The following PPP1CB variants were observed in gnomAD, a reference collection of about 807,000 sequenced individuals.
PPP1CB encodes the protein serine/threonine-protein phosphatase PP1-beta catalytic subunit.
A neutral mutation model predicts 43.7 loss-of-function variants in PPP1CB; 2 were observed. The ratio of observed to expected loss-of-function variants is 0.05; its 90% CI spans 0.02 to 0.14. The LOEUF is 0.14. Among genes scored for constraint, PPP1CB ranks in the 10% least tolerant of loss-of-function variants. The pLI is 1.00. For synonymous variants in PPP1CB, 136 were observed against 135.6 expected (o/e 1.00, Z -0.02); for missense variants, 84 against 398.0 (o/e 0.21, Z 6.71).
At chr2:28,770,668 C>T (rs1666887809) in intron 1 of PPP1CB, among the ~76,000 whole-genome samples, 3 of 152,016 alleles carry the variant, frequency 2.0e-5, no homozygotes, top group Admixed American at 6.5e-5. Context: ...CTTTCAGTAA[C>T]TAGTAGAACA....
chr2:28,775,448 C>T (rs1452117734), intron 1 of PPP1CB, among the ~76,000 whole-genome samples: 1 of 152,086 alleles, frequency 6.6e-6, no homozygotes, highest in African/African-American at 2.4e-5. Flanking sequence ...TGCTCTGTCA[C>T]CAAGACTGAA....
At chr2:28,776,125 T>A (rs1186463465) in intron 1 of PPP1CB, among the ~76,000 whole-genome samples, 2 of 151,936 alleles carry the variant, frequency 1.3e-5, no homozygotes, top group African/African-American at 4.8e-5. Context: ...TCTCCCTTTC[T>A]TCATAGCACA....
intron 1 of PPP1CB, among the ~76,000 whole-genome samples, chr2:28,775,066 C>T (rs1187616619): frequency 6.6e-6 from 1 of 151,404 alleles, no homozygotes; most frequent in African/African-American, 2.4e-5. Flanking sequence ...CTCTTATTGA[C>T]CTGACAAAGG....
At chr2:28,762,739 G>A (rs1004976350) in intron 1 of PPP1CB, among the ~76,000 whole-genome samples, 1 of 152,082 alleles carries the variant, frequency 6.6e-6, no homozygotes. Flanking sequence ...TATAATACGC[G>A]TTGTTCATTT....
At chr2:28,755,786 G>A (rs1666476439) in intron 1 of PPP1CB, among the ~76,000 whole-genome samples, 1 of 152,216 alleles carries the variant, frequency 6.6e-6, no homozygotes, top group South Asian at 2.1e-4. Flanking sequence ...GCTGCTGGGT[G>A]AATAAGAGTG....
chr2:28,752,673 G>C lies in PPP1CB; in HGVS notation c.52+497G>C, dbSNP rs151065684. On this transcript the variant is annotated intron_variant, in intron 1 of 7. Transcript: ENST00000395366. ...ATATATATAAACCTGTCCTTAACAG[G>C]ACTGCTTCGTCTGCTCTGCATTTTT... Among the ~76,000 whole-genome samples, 205 of 152,300 alleles carry C rather than the reference G, an allele frequency of 1.3e-3. 1 individual carries two copies. The highest frequency in any genetic ancestry group is 2.4e-3 in the Non-Finnish European group (161 of 68,032).
At chr2:28,755,347 G>C (rs978226143) in intron 1 of PPP1CB, among the ~76,000 whole-genome samples, 1 of 152,110 alleles carries the variant, frequency 6.6e-6, no homozygotes, top group African/African-American at 2.4e-5. Flanking sequence ...ACCTTGATAT[G>C]ATATTTTCAA....
chr2:28,759,492 C>G (rs529245579), intron 1 of PPP1CB, among the ~76,000 whole-genome samples: 27 of 133,878 alleles, frequency 2.0e-4, no homozygotes, highest in African/African-American at 7.7e-4. Flanking sequence ...TGCTCTCCAG[C>G]CTGGGCGAAA....
At position 28,799,704 on chromosome 2, in the gene PPP1CB, T is replaced by A. The variant is rs1667569489; in HGVS notation, c.*401T>A. The A allele has an allele frequency of 6.3e-6, 1 of 157,902 alleles. No homozygotes were observed. The highest frequency in any genetic ancestry group is 1.4e-5 in the Non-Finnish European group (1 of 71,752). 9.8% of individuals were successfully genotyped at this position (157,902 alleles called of 1,614,324 possible). A position where few individuals can be genotyped will look rare whatever the true frequency, so the allele number is the denominator to read the frequency against. On this transcript the variant is annotated 3_prime_UTR_variant, in exon 8 of 8. Transcript: ENST00000395366. The stretch of plus-strand genomic sequence containing the variant: ...ATTTTGAGCTTGTTTTGTTTTTGTT[T>A]GTTTTCACTAGAATAATGGCAAATA...
chr2:28,753,235 G>C (rs1408561623), intron 1 of PPP1CB, among the ~76,000 whole-genome samples: 1 of 152,192 alleles, frequency 6.6e-6, no homozygotes, highest in African/African-American at 2.4e-5. Context: ...CCGCCGTCCA[G>C]CGATTGCATA....
intron 5 of PPP1CB, among the ~76,000 whole-genome samples, chr2:28,787,152 C>T (rs1050426298): frequency 6.6e-6 from 1 of 152,098 alleles, no homozygotes; most frequent in South Asian, 2.1e-4. Flanking sequence ...TTAAAACTGA[C>T]TTAACTCTTT....
intron 6 of PPP1CB, among the ~76,000 whole-genome samples, chr2:28,790,484 C>T (rs915304369): frequency 2.6e-5 from 4 of 151,864 alleles, no homozygotes; most frequent in Non-Finnish European, 4.4e-5. Flanking sequence ...GGACTACAGG[C>T]GCCTGCCACC....
At chr2:28,766,674 C>G (rs1666783317) in intron 1 of PPP1CB, among the ~76,000 whole-genome samples, 1 of 152,176 alleles carries the variant, frequency 6.6e-6, no homozygotes. Context: ...CATCGAGAGC[C>G]AAGGAACACC....
intron 1 of PPP1CB, among the ~76,000 whole-genome samples, chr2:28,756,454 G>T (rs1407781355): frequency 1.3e-5 from 2 of 152,100 alleles, no homozygotes; most frequent in African/African-American, 4.8e-5. Flanking sequence ...TTTCTTTCTT[G>T]TGAAACAGGT....
chr2:28,754,852 T>C (rs984677346), intron 1 of PPP1CB, among the ~76,000 whole-genome samples: 1 of 152,206 alleles, frequency 6.6e-6, no homozygotes, highest in Non-Finnish European at 1.5e-5. Flanking sequence ...AGAATTTCTC[T>C]GCATTAGGGG....
intron 1 of PPP1CB, 63 bp downstream of exon 1, chr2:28,752,239 C>G (rs1051300409): frequency 2.8e-6 from 4 of 1,422,562 alleles, no homozygotes; most frequent in African/African-American, 3.0e-5. Context: ...CCCTGCGTCC[C>G]CGTCTGCCGC....
chr2:28,781,868 A>ATT, intron 4 of PPP1CB, 26 bp downstream of exon 4: 2 of 1,476,968 alleles, frequency 1.4e-6, no homozygotes, highest in Non-Finnish European at 1.9e-6. Context: ...TGCCTTACAG[A>ATT]TTTTTTTTTT....
intron 5 of PPP1CB, among the ~76,000 whole-genome samples, chr2:28,786,980 A>G (rs1437512293): frequency 6.6e-6 from 1 of 152,034 alleles, no homozygotes; most frequent in Admixed American, 6.6e-5. Context: ...AACAACATAC[A>G]GGGAGCTTGG....
At chr2:28,785,924 G>A (rs1667257641) in intron 5 of PPP1CB, among the ~76,000 whole-genome samples, 1 of 152,044 alleles carries the variant, frequency 6.6e-6, no homozygotes, top group African/African-American at 2.4e-5. Context: ...AGTGTGATAT[G>A]CTAGGCTTCT....
Sources: allele counts gnomAD v4.1 joint callset (sites outside exome capture counted in the v4.1 genomes callset), GRCh38; gene constraint gnomAD v4.1.1; transcripts MANE v1.5; gene names NCBI Gene and HGNC (gene_info 2026-07-23, HGNC 2026-07-21).